Variants in CTBP2 observed in about 807,000 individuals in gnomAD.
CTBP2 encodes the protein C-terminal binding protein 2, also known as C-terminal-binding protein 2.
In CTBP2, 30 loss-of-function variants were observed where a neutral mutation model predicts 80.3. The observed-to-expected ratio is 0.37, with a 90% CI of 0.28 to 0.51. The LOEUF (loss-of-function observed/expected upper bound fraction) is 0.51. Ranked by LOEUF, CTBP2 falls within the 20% of genes least tolerant of loss-of-function variation. The pLI, the probability that CTBP2 is intolerant of heterozygous loss-of-function variation, is 0.93. For synonymous variants in CTBP2, 594 were observed against 587.4 expected, an observed-to-expected ratio of 1.01 and a Z score of -0.16; for missense variants, 1,212 against 1,375.3, an observed-to-expected ratio of 0.88 and a Z score of 1.88.
chr10:125,112,071 C>G (rs1268921488), intron 1 of CTBP2, among the ~76,000 whole-genome samples: 1 of 149,814 alleles, frequency 6.7e-6, no homozygotes, highest in Non-Finnish European at 1.5e-5. Flanking sequence ...GGTTAATATA[C>G]AAAAAGGCAC....
intron 2 of CTBP2, among the ~76,000 whole-genome samples, chr10:125,081,552 C>A (rs1340372988): frequency 2.0e-5 from 3 of 151,632 alleles, no homozygotes; most frequent in Non-Finnish European, 4.4e-5. Flanking sequence ...GAGAGAAACA[C>A]AAGCAAATGT....
chr10:125,003,076 A>G lies in CTBP2; in HGVS notation c.1862T>C (p.Met621Thr). The change falls in exon 3 of 9, where the codon ATG (methionine) becomes ACG (threonine). Residue 621 changes from methionine (M) to threonine (T), a missense_variant. By Grantham distance (81) the Met-to-Thr change is moderately conservative. Transcript: ENST00000309035. ...CCTGGTGAGGGTGATGGTGTGGTAC[A>G]TCATGGCGCCCACGGCTTCGTTTAG... 1 of 1,614,028 alleles carries G rather than the reference A, an allele frequency of 6.2e-7. No individual in the cohort carries two copies. Among genetic ancestry groups the G allele is most frequent in the Non-Finnish European group, 8.5e-7 (1 of 1,180,016 alleles).
At chr10:125,025,228 AG>A (rs1957418545) in intron 1 of CTBP2, among the ~76,000 whole-genome samples, 1 of 152,314 alleles carries the variant, frequency 6.6e-6, no homozygotes, top group South Asian at 2.1e-4. Flanking sequence ...TATGTTTGAA[AG>A]GAAGAAAACT....
chr10:125,022,499 GAAGGAAGGA>G (rs1564727998), intron 1 of CTBP2, among the ~76,000 whole-genome samples: 4 of 137,110 alleles, frequency 2.9e-5, no homozygotes, highest in African/African-American at 1.5e-4. Flanking sequence ...AATGAGGAAG[GAAGGAAGGA>G]ACAGCAGGGG....
chr10:125,079,229 T>C (rs1417181240), intron 2 of CTBP2, among the ~76,000 whole-genome samples: 5 of 150,010 alleles, frequency 3.3e-5, no homozygotes, highest in African/African-American at 9.8e-5. Flanking sequence ...CTGCCCGGGA[T>C]ATCACCCGGC....
In CTBP2 at chr10:125,146,793, T is replaced by C. The variant is rs144578601; in HGVS notation, c.-206+13526A>G. On this transcript the variant is annotated intron_variant, in intron 1 of 10. Coordinates refer to the CTBP2 transcript ENST00000337195. ...ACACTGGCTGGGTGGAGAAAAGATA[T>C]TTGAACATTTCAATCAGAAGACATT... Among the ~76,000 whole-genome samples, 1,212 of 152,176 alleles carry C rather than the reference T, an allele frequency of 8.0e-3. 41 individuals carry two copies. The highest frequency in any genetic ancestry group is 0.061 in the Admixed American group (936 of 15,284).
chr10:124,991,240 T>G (rs1039446753), intron 8 of CTBP2, among the ~76,000 whole-genome samples: 1 of 152,166 alleles, frequency 6.6e-6, no homozygotes, highest in Non-Finnish European at 1.5e-5. Context: ...GGCATCTCAC[T>G]ATGGTAGCCA....
At chr10:125,155,953 GT>G (rs1375267792) in intron 1 of CTBP2, among the ~76,000 whole-genome samples, 2 of 152,124 alleles carry the variant, frequency 1.3e-5, no homozygotes, top group African/African-American at 4.8e-5. Context: ...TTTCAGCAGG[GT>G]AAGTTCACAC....
At chr10:125,017,510 C>T (rs1301002099) in intron 1 of CTBP2, among the ~76,000 whole-genome samples, 1 of 152,204 alleles carries the variant, frequency 6.6e-6, no homozygotes, top group Admixed American at 6.5e-5. Context: ...CCCTCCCTCA[C>T]CTTTTCCTAC....
At chr10:125,031,506 A>AAAAAAAAC, upstream of CTBP2, among the ~76,000 whole-genome samples, 1 of 149,494 alleles carries the variant, frequency 6.7e-6, no homozygotes. Context: ...AAAAAAAAAA[A>AAAAAAAAC]AAAAAAAGTC....
At chr10:125,092,049 G>C (rs1318674785) in intron 2 of CTBP2, among the ~76,000 whole-genome samples, 5 of 152,166 alleles carry the variant, frequency 3.3e-5, no homozygotes, top group African/African-American at 4.8e-5. Context: ...TTGGATGCTT[G>C]AGTCATCTGT....
chr10:125,104,053 G>A (rs955903620), intron 2 of CTBP2, among the ~76,000 whole-genome samples: 2 of 152,206 alleles, frequency 1.3e-5, no homozygotes, highest in Non-Finnish European at 2.9e-5. Flanking sequence ...TGCATTACAA[G>A]GCTCAGGAAT....
At chr10:125,030,986 G>A (rs1382037647), upstream of CTBP2, among the ~76,000 whole-genome samples, 1 of 152,174 alleles carries the variant, frequency 6.6e-6, no homozygotes, top group Non-Finnish European at 1.5e-5. Context: ...TCCCAGGACG[G>A]AGCCACCACA....
exon 3 of CTBP2, chr10:125,039,099 C>T (rs757868171): frequency 2.0e-5 from 32 of 1,575,526 alleles, no homozygotes; most frequent in Non-Finnish European, 2.8e-5. Context: ...GCAAAGCAGT[C>T]CTCTAAGAAC....
At chr10:125,020,059 G>A (rs1485209192) in intron 1 of CTBP2, among the ~76,000 whole-genome samples, 1 of 152,194 alleles carries the variant, frequency 6.6e-6, no homozygotes, top group Non-Finnish European at 1.5e-5. Context: ...GGGGCCCATT[G>A]GTTGTTTTTA....
intron 1 of CTBP2, among the ~76,000 whole-genome samples, chr10:125,151,946 A>T (rs964456155): frequency 4.6e-5 from 7 of 151,830 alleles, no homozygotes; most frequent in African/African-American, 7.3e-5. Flanking sequence ...CCATTCTCAC[A>T]CCTCTCAACG....
At chr10:125,161,077 G>GT (rs1591183012), upstream of CTBP2, 1 of 148,476 alleles carries the variant, frequency 6.7e-6, no homozygotes, top group East Asian at 2.0e-4. Flanking sequence ...TGGGGGGGGG[G>GT]GGCAAAGGCG....
Position 125,066,370 on chromosome 10 carries a change from C to T in CTBP2, c.-101-27215G>A, listed in dbSNP as rs1313798283. 2.6e-5 allele frequency among the ~76,000 whole-genome samples: 4 copies of T among 152,148 alleles called. No homozygotes were observed. The highest frequency in any genetic ancestry group is 3.9e-4 in the East Asian group (2 of 5,176). ...AAATCGGGAAAACATCAAGTCAGAA[C>T]GTCCCGTGCCTTCTAAGCAGTCAGG... On this transcript the variant is annotated intron_variant, in intron 2 of 10. Coordinates refer to the CTBP2 transcript ENST00000337195. This position sits in a 1 kb window ranked among gnomAD's most constrained non-coding sequence, Gnocchi z 4.1.
At chr10:125,104,123 AC>A (rs1311245081) in intron 2 of CTBP2, among the ~76,000 whole-genome samples, 1 of 152,218 alleles carries the variant, frequency 6.6e-6, no homozygotes, top group Non-Finnish European at 1.5e-5. Context: ...ACAGCACGGT[AC>A]CGTTCCCAGA....
Sources: gnomAD v4.1 joint callset for allele counts (sites outside exome capture counted in the v4.1 genomes callset) on GRCh38, gnomAD v4.1.1 for gene constraint, Gnocchi (gnomAD v3.1) non-coding constraint, MANE v1.5 for transcripts, NCBI Gene and HGNC (gene_info 2026-07-23, HGNC 2026-07-21) for gene names.